The following TSGA10 variants were observed in gnomAD, a reference collection of about 807,000 sequenced individuals.
TSGA10 encodes testis-specific gene 10 protein.
TSGA10 carries 43 observed loss-of-function variants against 96.6 expected under a neutral mutation model. The observed-to-expected ratio is 0.44, with a 90% CI of 0.35 to 0.57. The LOEUF (loss-of-function observed/expected upper bound fraction) is 0.57. Among genes scored for constraint, TSGA10 ranks in the 20% least tolerant of loss-of-function variants. The pLI, the probability that TSGA10 is intolerant of heterozygous loss-of-function variation, is 0.01. For missense variants in TSGA10, 703 were observed against 834.4 expected, an observed-to-expected ratio of 0.84 and a Z score of 1.94; for synonymous variants, 229 against 269.9, an observed-to-expected ratio of 0.85 and a Z score of 1.48.
At chr2:99,101,981 T>C (rs2090807125) in intron 10 of TSGA10, 1 of 956,118 alleles carries the variant, frequency 1.0e-6, no homozygotes, top group East Asian at 2.4e-5. Flanking sequence ...TGTTCTTACA[T>C]TTAACAATAC....
intron 20 of TSGA10, among the ~76,000 whole-genome samples, chr2:99,016,781 T>C (rs2079547929): frequency 6.6e-6 from 1 of 151,906 alleles, no homozygotes; most frequent in African/African-American, 2.4e-5. Flanking sequence ...TACAAGGAAG[T>C]CAAACAATCA....
intron 17 of TSGA10, among the ~76,000 whole-genome samples, chr2:99,022,300 C>T (rs898426684): frequency 1.4e-5 from 2 of 138,092 alleles, no homozygotes; most frequent in Non-Finnish European, 3.1e-5. Context: ...ACTCCAGCCT[C>T]GGCCACTGAA....
At chr2:99,150,812 T>C (rs1267336921) in intron 1 of TSGA10, 1 of 1,592,142 alleles carries the variant, frequency 6.3e-7, no homozygotes, top group Non-Finnish European at 8.5e-7. Context: ...AGTGATGGAC[T>C]AGAAATGACA....
chr2:99,115,096 C>A (rs771099818), intron 4 of TSGA10, among the ~76,000 whole-genome samples: 2 of 152,110 alleles, frequency 1.3e-5, no homozygotes, highest in African/African-American at 4.8e-5. Context: ...ACACGCCCAG[C>A]TATTTTTTTG....
intron 17 of TSGA10, among the ~76,000 whole-genome samples, chr2:99,027,786 A>T (rs1010261225): frequency 7.2e-5 from 11 of 152,134 alleles, no homozygotes; most frequent in African/African-American, 2.7e-4. Context: ...TCTAAAAGAC[A>T]GTTTCTTTTG....
At chr2:99,034,474 A>G (rs1192483178) in intron 17 of TSGA10, among the ~76,000 whole-genome samples, 1 of 152,130 alleles carries the variant, frequency 6.6e-6, no homozygotes, top group Non-Finnish European at 1.5e-5. Flanking sequence ...ATTTTCCACT[A>G]TTTCAAATAC....
intron 12 of TSGA10, 32 bp downstream of exon 12, chr2:99,078,627 G>T (rs777705492): frequency 6.4e-7 from 1 of 1,569,900 alleles, no homozygotes; most frequent in East Asian, 2.3e-5. Context: ...TCATTTAAAC[G>T]TTTCTTATAA....
chr2:99,145,413 A>G (rs1179257159), intron 1 of TSGA10, among the ~76,000 whole-genome samples: 1 of 151,900 alleles, frequency 6.6e-6, no homozygotes, highest in Non-Finnish European at 1.5e-5. Context: ...ACAAAAATTA[A>G]CTGATCGTGG....
chr2:99,117,873 A>C (rs2092358889), intron 3 of TSGA10, 114 bp from the exon 4 acceptor site: 1 of 324,502 alleles, frequency 3.1e-6, no homozygotes, highest in Non-Finnish European at 4.4e-6. Flanking sequence ...AAGAAACTTA[A>C]CTCTATACCT....
intron 4 of TSGA10, among the ~76,000 whole-genome samples, chr2:99,115,496 C>G (rs1205295993): frequency 3.3e-5 from 5 of 151,860 alleles, no homozygotes; most frequent in East Asian, 1.9e-4. Flanking sequence ...TCATTCTTAT[C>G]TAGTATTTCA....
intron 1 of TSGA10, among the ~76,000 whole-genome samples, chr2:99,153,681 T>C (rs1434468074): frequency 2.6e-5 from 4 of 152,086 alleles, no homozygotes; most frequent in Admixed American, 6.5e-5. Context: ...ACTAGGAAAA[T>C]TCCTAGTGCA....
intron 16 of TSGA10, among the ~76,000 whole-genome samples, chr2:99,044,842 A>G (rs2082581026): frequency 6.6e-6 from 1 of 152,248 alleles, no homozygotes; most frequent in African/African-American, 2.4e-5. Context: ...CTCAGACCAC[A>G]GTGCAATCAA....
chr2:99,108,804 C>G (rs750727730), intron 7 of TSGA10, 29 bp downstream of exon 7: 2 of 1,469,086 alleles, frequency 1.4e-6, no homozygotes, highest in Non-Finnish European at 1.8e-6. Context: ...AATGTTATTA[C>G]TTATATAATT....
At chr2:99,154,052 T>C (rs750588215) in intron 1 of TSGA10, among the ~76,000 whole-genome samples, 1 of 152,224 alleles carries the variant, frequency 6.6e-6, no homozygotes, top group Non-Finnish European at 1.5e-5. Context: ...AGAATATGGC[T>C]GAGGCGCTGC....
chr2:99,107,975 TTA>T (rs568084436), intron 7 of TSGA10, among the ~76,000 whole-genome samples: 4 of 152,170 alleles, frequency 2.6e-5, no homozygotes, highest in Non-Finnish European at 5.9e-5. Flanking sequence ...TTTCCTACCT[TTA>T]TCCTTTGCCT....
chr2:99,077,174 T>TC (rs2086817288), intron 12 of TSGA10, among the ~76,000 whole-genome samples: 3 of 125,154 alleles, frequency 2.4e-5, no homozygotes, highest in African/African-American at 9.2e-5. Flanking sequence ...AGAGTCTTGC[T>TC]CTGTCATGCA....
intron 16 of TSGA10, among the ~76,000 whole-genome samples, chr2:99,035,688 A>G (rs542692719): frequency 7.2e-4 from 109 of 150,572 alleles, no homozygotes; most frequent in African/African-American, 2.6e-3. Context: ...TGTACTTAGG[A>G]AAAAAAAACC....
At chr2:99,090,453 CAGA>C (rs973988031) in intron 10 of TSGA10, among the ~76,000 whole-genome samples, 3 of 151,998 alleles carry the variant, frequency 2.0e-5, no homozygotes, top group South Asian at 2.1e-4. Flanking sequence ...AAAAAGAATT[CAGA>C]AGGTCAGTTA....
intron 10 of TSGA10, among the ~76,000 whole-genome samples, chr2:99,094,930 C>CA (rs1355126396): frequency 5.3e-5 from 8 of 152,002 alleles, no homozygotes; most frequent in African/African-American, 1.4e-4. Flanking sequence ...AGTCATTATA[C>CA]AAAAAAGATA....
Sources: allele counts gnomAD v4.1 joint callset (sites outside exome capture counted in the v4.1 genomes callset), GRCh38; gene constraint gnomAD v4.1.1; transcripts MANE v1.5; gene names NCBI Gene and HGNC (gene_info 2026-07-23, HGNC 2026-07-21).